Variants in NAF1 observed in about 807,000 individuals in gnomAD.
The protein encoded by NAF1 is H/ACA ribonucleoprotein complex non-core subunit NAF1.
A neutral mutation model predicts 40.6 loss-of-function variants in NAF1; 11 were observed. The observed-to-expected ratio is 0.27, with a 90% CI of 0.17 to 0.45. The LOEUF (loss-of-function observed/expected upper bound fraction) is 0.45, where lower values mean the gene tolerates loss of function less well. NAF1 is among the 20% of genes least tolerant of loss of function. The pLI, the probability that NAF1 is intolerant of heterozygous loss-of-function variation, is 1.00. For missense variants in NAF1, 607 were observed against 611.1 expected, an observed-to-expected ratio of 0.99 and a Z score of 0.07; for synonymous variants, 260 against 228.5, an observed-to-expected ratio of 1.14 and a Z score of -1.24.
intron 2 of NAF1, among the ~76,000 whole-genome samples, chr4:163,120,692 CAGAAG>C (rs1730493609): frequency 6.6e-6 from 1 of 152,004 alleles, no homozygotes; most frequent in Admixed American, 6.6e-5. Flanking sequence ...ATAGAATGCA[CAGAAG>C]AAAATATTTG....
At chr4:163,128,161 C>G (rs1351106842), downstream of NAF1, among the ~76,000 whole-genome samples, 1 of 152,084 alleles carries the variant, frequency 6.6e-6, no homozygotes, top group Admixed American at 6.5e-5. Flanking sequence ...TTTATGGAAC[C>G]TAGTCTGCAT....
chr4:163,125,859 T>TA (rs572152091), downstream of NAF1, among the ~76,000 whole-genome samples: 94 of 152,278 alleles, frequency 6.2e-4, no homozygotes, highest in African/African-American at 2.0e-3. Flanking sequence ...GCTGGTGACT[T>TA]AAAGTTGAAG....
At position 163,115,203 on chromosome 4, in the gene NAF1, TTTTATTTA is replaced by T. The variant is rs1347212977; in HGVS notation, c.115-4921_115-4914del. ...TATTGGCGATATAGGACAATAATTT[TTTTATTTA>T]TTTTTTTTTTTTTTTGAGACAGAGT... On this transcript the variant is annotated intron_variant, in intron 2 of 2. Transcript: ENST00000509434. 1.0e-4 allele frequency among the ~76,000 whole-genome samples: 10 copies of T among 98,410 alleles called. 1 individual carries two copies. Among genetic ancestry groups the T allele is most frequent in the African/African-American group, 2.7e-4 (6 of 22,396 alleles). The allele number at this position is 98,410 out of a possible 152,430, so 64.6% of individuals were successfully genotyped here.
At chr4:163,148,123 T>C (rs1011242350) in intron 3 of NAF1, among the ~76,000 whole-genome samples, 11 of 152,198 alleles carry the variant, frequency 7.2e-5, no homozygotes, top group African/African-American at 2.4e-4. Flanking sequence ...CCGGAGGAAG[T>C]ATGTCAGTAA....
chr4:163,108,695 G>A (rs10517777), downstream of NAF1: 2 of 152,086 alleles, frequency 1.3e-5, no homozygotes, highest in African/African-American at 4.8e-5. Flanking sequence ...TTTTCAAAGA[G>A]TAACATATTA....
At chr4:163,138,221 T>G (rs1197499805) in intron 5 of NAF1, among the ~76,000 whole-genome samples, 1 of 152,098 alleles carries the variant, frequency 6.6e-6, no homozygotes, top group African/African-American at 2.4e-5. Flanking sequence ...TGCTTTAAAT[T>G]TTTGATTCGG....
At chr4:163,127,139 TTTTAC>T (rs1400953551), downstream of NAF1, 6 of 1,547,150 alleles carry the variant, frequency 3.9e-6, no homozygotes, top group African/African-American at 4.1e-5. Context: ...ATGGACAGAT[TTTTAC>T]TTTGAGATGG....
intron 7 of NAF1, among the ~76,000 whole-genome samples, 169 bp downstream of exon 7, chr4:163,132,985 T>C (rs1190511485): frequency 6.6e-6 from 1 of 152,248 alleles, no homozygotes; most frequent in Non-Finnish European, 1.5e-5. Flanking sequence ...TTTTACTGCT[T>C]AAGCTCATAA....
chr4:163,142,820 C>G lies in NAF1; in HGVS notation c.718-2437G>C, dbSNP rs116672279. 5.6e-3 allele frequency among the ~76,000 whole-genome samples: 854 copies of G among 152,232 alleles called. 10 individuals are homozygous for G. Among genetic ancestry groups the G allele is most frequent in the African/African-American group, 0.019 (800 of 41,534 alleles). ...GTGTAGAGTTTAGATTGACTAACAC[C>G]TGAGAGCTAAACTGTAAAGAGCAAC... On this transcript the variant is annotated intron_variant, in intron 4 of 7. Transcript: ENST00000274054.
Position 163,166,834 on chromosome 4 carries a change from C to CTTTTTTTAA in NAF1, c.-108_-107insTTAAAAAAA. On this transcript the variant is annotated 5_prime_UTR_variant, in exon 1 of 8. Coordinates refer to ENST00000274054, the MANE Select transcript of NAF1 (RefSeq NM_138386.3). ...ACTTAGGCAACCGCAGCAACACTGC[C>CTTTTTTTAA]TGGGCCCAACTTCCCGCGTTTCTCA... 1 of 1,425,542 alleles carries CTTTTTTTAA rather than the reference C, an allele frequency of 7.0e-7. No individual in the cohort carries two copies. Among genetic ancestry groups the CTTTTTTTAA allele is most frequent in the Admixed American group, 2.6e-5 (1 of 38,414 alleles). 88.3% of individuals were successfully genotyped at this position (1,425,542 alleles called of 1,614,324 possible).
chr4:163,156,639 G>A lies in NAF1; in HGVS notation c.540+7578C>T, dbSNP rs563775171. Among the ~76,000 whole-genome samples, 40 of 152,052 alleles carry A rather than the reference G, an allele frequency of 2.6e-4. No individual in the cohort carries two copies. In the East Asian group the frequency reaches 7.7e-3, roughly 29 times the overall value. On this transcript the variant is annotated intron_variant, in intron 2 of 7. Coordinates refer to ENST00000274054, the MANE Select transcript of NAF1 (RefSeq NM_138386.3). ...CTTTACATTCTCACACATCAAAAAA[G>A]CCCTCCATTACAAAACATATTCCCA...
chr4:163,164,697 C>A (rs1045737287), intron 1 of NAF1, among the ~76,000 whole-genome samples: 1 of 152,156 alleles, frequency 6.6e-6, no homozygotes, highest in South Asian at 2.1e-4. Context: ...ATATCATACA[C>A]CTGTCTGAAT....
intron 2 of NAF1, among the ~76,000 whole-genome samples, chr4:163,118,659 A>G (rs1158330216): frequency 6.6e-6 from 1 of 152,228 alleles, no homozygotes; most frequent in Non-Finnish European, 1.5e-5. Flanking sequence ...AGGATGAGGC[A>G]CAAGAATCAC....
At chr4:163,121,793 T>G (rs1339034866), downstream of NAF1, among the ~76,000 whole-genome samples, 8 of 152,216 alleles carry the variant, frequency 5.3e-5, no homozygotes. Context: ...GTTAAGATAG[T>G]GTCCTAAGTA....
intron 2 of NAF1, among the ~76,000 whole-genome samples, chr4:163,162,905 C>T (rs1732284343): frequency 6.6e-6 from 1 of 152,140 alleles, no homozygotes; most frequent in African/African-American, 2.4e-5. Context: ...TTTTGATCTT[C>T]TGATGAAAAC....
At chr4:163,131,061 T>G (rs1020909781) in intron 7 of NAF1, among the ~76,000 whole-genome samples, 2 of 152,112 alleles carry the variant, frequency 1.3e-5, no homozygotes, top group Non-Finnish European at 2.9e-5. Context: ...TTAGTAGAGA[T>G]GGGGTTTCAC....
At chr4:163,124,093 C>A (rs888578206), downstream of NAF1, among the ~76,000 whole-genome samples, 3 of 152,166 alleles carry the variant, frequency 2.0e-5, no homozygotes, top group Non-Finnish European at 2.9e-5. Context: ...TGGTGGCTTG[C>A]GCCTGTAATC....
chr4:163,137,620 G>C (rs909139586), intron 5 of NAF1, among the ~76,000 whole-genome samples: 1 of 152,094 alleles, frequency 6.6e-6, no homozygotes, highest in African/African-American at 2.4e-5. Flanking sequence ...TTCCATGTGC[G>C]AAGGACATAA....
chr4:163,140,525 GTTATAT>G, intron 4 of NAF1, 142 bp from the exon 5 acceptor site: 1 of 643,580 alleles, frequency 1.6e-6, no homozygotes, highest in Non-Finnish European at 2.6e-6. Flanking sequence ...TAATTTTTTA[GTTATAT>G]TTATGTCATT....
Sources: gnomAD v4.1 joint callset for allele counts (sites outside exome capture counted in the v4.1 genomes callset) on GRCh38, gnomAD v4.1.1 for gene constraint, MANE v1.5 for transcripts, NCBI Gene and HGNC (gene_info 2026-07-23, HGNC 2026-07-21) for gene names.